The following CNTN5 variants were observed in gnomAD, a reference collection of about 807,000 sequenced individuals.
The protein encoded by CNTN5 is contactin-5.
CNTN5 carries 77 observed loss-of-function variants against 129.1 expected under a neutral mutation model. That is an observed-to-expected ratio of 0.60 (90% confidence interval 0.50 to 0.72). The LOEUF (loss-of-function observed/expected upper bound fraction) is 0.72. CNTN5 is among the 30% of genes least tolerant of loss of function. The pLI is 0.00. For synonymous variants in CNTN5, 509 were observed against 465.6 expected, an observed-to-expected ratio of 1.09 and a Z score of -1.20; for missense variants, 1,478 against 1,328.8, an observed-to-expected ratio of 1.11 and a Z score of -1.75.
intron 2 of CNTN5, among the ~76,000 whole-genome samples, chr11:99,339,196 A>G (rs531916699): frequency 2.9e-4 from 1 of 3,418 alleles, no homozygotes; most frequent in African/African-American, 3.3e-4. Flanking sequence ...TGAAAACATT[A>G]AAATAAAAAA....
At chr11:99,602,542 T>C (rs1005514656) in intron 3 of CNTN5, among the ~76,000 whole-genome samples, 1 of 151,958 alleles carries the variant, frequency 6.6e-6, no homozygotes, top group Non-Finnish European at 1.5e-5. Flanking sequence ...TATATTAATA[T>C]AGTTATAATA....
intron 16 of CNTN5, among the ~76,000 whole-genome samples, chr11:100,254,491 C>T (rs1265094818): frequency 6.6e-6 from 1 of 152,180 alleles, no homozygotes; most frequent in Non-Finnish European, 1.5e-5. Flanking sequence ...GCCCACGATT[C>T]CAACTTTCGG....
Position 99,842,455 on chromosome 11 carries a change from C to T in CNTN5, c.278-2397C>T, listed in dbSNP as rs115100845. ...ATTCCTACTAATACTGTAAAGTAGG[C>T]ATTATTATCCACAAATAATACTTGA... On this transcript the variant is annotated intron_variant, in intron 4 of 24. Transcript: ENST00000524871. 6.6e-3 allele frequency among the ~76,000 whole-genome samples: 1,011 copies of T among 152,244 alleles called. 13 individuals carry two copies. The highest frequency in any genetic ancestry group is 0.023 in the African/African-American group (962 of 41,538).
At chr11:99,495,699 G>T in intron 2 of CNTN5, among the ~76,000 whole-genome samples, 1 of 152,150 alleles carries the variant, frequency 6.6e-6, no homozygotes, top group East Asian at 1.9e-4. Flanking sequence ...CTTTAAAAAA[G>T]CCACTTTGAT....
Position 100,074,179 on chromosome 11 carries a change from A to C in CNTN5, c.1465A>C (p.Lys489Gln). 2 of 1,612,840 alleles carry C rather than the reference A, an allele frequency of 1.2e-6. No homozygotes were observed. Among genetic ancestry groups the C allele is most frequent in the East Asian group, 2.2e-5 (1 of 44,752 alleles). ...CACTTTTGCACTGAATCAACTGAAG[A>C]AAACAATAATTGTTACCAAAGACCA... The part of the protein sequence containing the change: ...APTFALNQLK[K>Q]TIIVTKDQEV... Residue 489 changes from lysine (K) to glutamine (Q), a missense_variant, in exon 13 of 25, where the codon AAA becomes CAA. Physicochemically the swap from Lys to Gln is moderately conservative, Grantham distance 53. Coordinates refer to ENST00000524871, the MANE Select transcript of CNTN5 (RefSeq NM_014361.4).
chr11:99,853,567 T>C (rs1293615574), intron 6 of CNTN5, among the ~76,000 whole-genome samples: 2 of 151,970 alleles, frequency 1.3e-5, no homozygotes, highest in Non-Finnish European at 2.9e-5. Flanking sequence ...GCCTGGCTAA[T>C]TTTTTGTATT....
intron 15 of CNTN5, among the ~76,000 whole-genome samples, chr11:100,212,559 A>G (rs927498365): frequency 1.3e-5 from 2 of 152,118 alleles, no homozygotes; most frequent in African/African-American, 4.8e-5. Flanking sequence ...TTATGTGGTA[A>G]AAGTTACTAG....
At chr11:99,372,737 A>C (rs1035239619) in intron 2 of CNTN5, among the ~76,000 whole-genome samples, 1 of 152,226 alleles carries the variant, frequency 6.6e-6, no homozygotes, top group African/African-American at 2.4e-5. Flanking sequence ...TATTGTACAC[A>C]CGCTATGCCT....
chr11:100,172,616 T>C (rs1194262722), intron 13 of CNTN5, among the ~76,000 whole-genome samples: 1 of 151,952 alleles, frequency 6.6e-6, no homozygotes, highest in East Asian at 1.9e-4. Flanking sequence ...ATGTATTAGA[T>C]ATGAGACTTG....
chr11:99,404,137 G>T (rs1941962423), intron 2 of CNTN5, among the ~76,000 whole-genome samples: 1 of 151,836 alleles, frequency 6.6e-6, no homozygotes. Flanking sequence ...TATATAATTT[G>T]TCTTGAAATC....
At chr11:99,187,981 G>A (rs148443611) in intron 1 of CNTN5, among the ~76,000 whole-genome samples, 45 of 151,670 alleles carry the variant, frequency 3.0e-4, no homozygotes, top group African/African-American at 1.1e-3. Flanking sequence ...AAATGCATGA[G>A]CAAATGAAAA....
chr11:99,992,846 G>A (rs1939200967), intron 8 of CNTN5, among the ~76,000 whole-genome samples: 1 of 152,182 alleles, frequency 6.6e-6, no homozygotes, highest in Non-Finnish European at 1.5e-5. Context: ...AGAAATTAGG[G>A]TAATTTAAGG....
At chr11:99,578,603 G>GT (rs1167556362) in intron 3 of CNTN5, among the ~76,000 whole-genome samples, 1 of 149,422 alleles carries the variant, frequency 6.7e-6, no homozygotes, top group Admixed American at 6.7e-5. Context: ...TTTTTCATGT[G>GT]TTTTTTGGCT....
intron 1 of CNTN5, among the ~76,000 whole-genome samples, chr11:99,094,886 A>G (rs1241985364): frequency 2.6e-5 from 4 of 152,108 alleles, no homozygotes; most frequent in African/African-American, 7.2e-5. Context: ...TGTTCTTAAT[A>G]TAATTCATTT....
At chr11:100,320,033 C>A (rs564684883) in intron 21 of CNTN5, among the ~76,000 whole-genome samples, 1 of 152,192 alleles carries the variant, frequency 6.6e-6, no homozygotes, top group East Asian at 1.9e-4. Context: ...GTGCAGATGT[C>A]TTTTTGACAT....
rs911377644 is a variant in CNTN5 at position 100,356,773 on chromosome 11, T to G, written c.*553T>G. 6.5e-6 allele frequency: 1 copy of G among 154,856 alleles called. No individual in the cohort carries two copies. The highest frequency in any genetic ancestry group is 2.4e-5 in the African/African-American group (1 of 41,400). The allele number at this position is 154,856 out of a possible 1,614,324, so 9.6% of individuals were successfully genotyped here. On this transcript the variant is annotated 3_prime_UTR_variant, in exon 25 of 25. Coordinates refer to ENST00000524871, the MANE Select transcript of CNTN5 (RefSeq NM_014361.4). ...ACAAAAATTTTCTTGAAAAATATTG[T>G]ATGATTGCATAGTGAAATAGCAAGA...
intron 2 of CNTN5, among the ~76,000 whole-genome samples, chr11:99,474,647 G>T (rs1945300925): frequency 1.3e-5 from 2 of 151,870 alleles, no homozygotes; most frequent in Non-Finnish European, 2.9e-5. Flanking sequence ...TTAATTTATG[G>T]AGAACACCCA....
At chr11:99,584,330 G>A (rs2726355) in intron 3 of CNTN5, among the ~76,000 whole-genome samples, 100,009 of 151,998 alleles carry the variant, frequency 0.66, 37,111 homozygotes, top group Non-Finnish European at 0.81. Flanking sequence ...ATTCACACTG[G>A]CCCTGATTAC....
intron 1 of CNTN5, among the ~76,000 whole-genome samples, chr11:99,184,013 C>T (rs1591325817): frequency 6.6e-6 from 1 of 151,984 alleles, no homozygotes; most frequent in Non-Finnish European, 1.5e-5. Context: ...TGAACCTGTC[C>T]ATGCAGCATT....
Sources: gnomAD v4.1 joint callset for allele counts (sites outside exome capture counted in the v4.1 genomes callset) on GRCh38, gnomAD v4.1.1 for gene constraint, MANE v1.5 for transcripts, NCBI Gene and HGNC (gene_info 2026-07-23, HGNC 2026-07-21) for gene names.